DTNA: variants seen among roughly 807,000 people sequenced by gnomAD.
The protein encoded by DTNA is dystrophin-related protein 3.
A neutral mutation model predicts 100.7 loss-of-function variants in DTNA; 43 were observed. That is an observed-to-expected ratio of 0.43 (90% CI 0.33 to 0.55). DTNA has a LOEUF of 0.55. DTNA is among the 20% of genes least tolerant of loss of function. DTNA has a pLI of 0.04. For synonymous variants in DTNA, 349 were observed against 347.9 expected (o/e 1.00, Z -0.04); for missense variants, 798 against 953.9 (o/e 0.84, Z 2.15).
chr18:34,792,093 GTT>G (rs56247493), intron 3 of DTNA, among the ~76,000 whole-genome samples: 251 of 148,032 alleles, frequency 1.7e-3, no homozygotes, highest in African/African-American at 1.9e-3. Flanking sequence ...GTAACCTGTT[GTT>G]TTTTTTTTTT....
intron 9 of DTNA, among the ~76,000 whole-genome samples, chr18:34,827,007 A>G (rs2095874140): frequency 6.6e-6 from 1 of 152,170 alleles, no homozygotes; most frequent in Non-Finnish European, 1.5e-5. Context: ...TACACCACAT[A>G]CTCTATCATA....
At chr18:34,609,331 G>A (rs1427040027) in intron 1 of DTNA, among the ~76,000 whole-genome samples, 7 of 147,128 alleles carry the variant, frequency 4.8e-5, no homozygotes, top group Non-Finnish European at 7.4e-5. Flanking sequence ...TGCTAGCTCC[G>A]CCTCCCGGGT....
intron 1 of DTNA, among the ~76,000 whole-genome samples, chr18:34,698,313 T>C (rs1286794640): frequency 1.3e-5 from 2 of 152,224 alleles, no homozygotes; most frequent in African/African-American, 2.4e-5. Context: ...TTTTCTGTCA[T>C]AGCTTTGTAG....
At chr18:34,614,152 C>T (rs2054772357) in intron 1 of DTNA, among the ~76,000 whole-genome samples, 1 of 152,192 alleles carries the variant, frequency 6.6e-6, no homozygotes. Flanking sequence ...GATGATAATG[C>T]ATCTGTTTAT....
intron 1 of DTNA, among the ~76,000 whole-genome samples, chr18:34,577,342 A>G (rs1179318221): frequency 1.3e-5 from 2 of 152,144 alleles, no homozygotes; most frequent in African/African-American, 4.8e-5. Context: ...TTCAATCAAT[A>G]TGTGTTTTTA....
intron 3 of DTNA, among the ~76,000 whole-genome samples, chr18:34,768,906 C>T (rs2093625359): frequency 6.6e-6 from 1 of 152,010 alleles, no homozygotes; most frequent in South Asian, 2.1e-4. Context: ...GAAATATGTA[C>T]ATGGTATGTG....
At chr18:34,700,217 A>G (rs1265323646) in intron 1 of DTNA, among the ~76,000 whole-genome samples, 2 of 152,186 alleles carry the variant, frequency 1.3e-5, no homozygotes, top group Non-Finnish European at 2.9e-5. Flanking sequence ...GGATGACCCA[A>G]TCAATACCCT....
At chr18:34,866,211 C>T in intron 17 of DTNA, 21 of 1,613,712 alleles carry the variant, frequency 1.3e-5, no homozygotes, top group Non-Finnish European at 1.7e-5. Flanking sequence ...TGCTTTTGCT[C>T]TAATGTATGT....
chr18:34,787,279 T>C (rs2094541066), intron 3 of DTNA, among the ~76,000 whole-genome samples: 2 of 152,242 alleles, frequency 1.3e-5, no homozygotes, highest in African/African-American at 4.8e-5. Context: ...GTTGTCAGAA[T>C]CACCTGGAGA....
intron 3 of DTNA, among the ~76,000 whole-genome samples, chr18:34,784,868 C>T (rs2094454596): frequency 6.6e-6 from 1 of 151,910 alleles, no homozygotes; most frequent in South Asian, 2.1e-4. Context: ...ATATGGCAAT[C>T]TTTCTCCATA....
intron 1 of DTNA, among the ~76,000 whole-genome samples, chr18:34,648,389 A>G (rs537428924): frequency 3.9e-5 from 6 of 152,356 alleles, no homozygotes; most frequent in South Asian, 4.1e-4. Context: ...GAGTAGAAGC[A>G]GTAAGTTTGA....
chr18:34,648,947 TGTG>T (rs1223539345), intron 1 of DTNA, among the ~76,000 whole-genome samples: 1 of 152,238 alleles, frequency 6.6e-6, no homozygotes, highest in Non-Finnish European at 1.5e-5. Flanking sequence ...ATTTTTCTAA[TGTG>T]GTACTGTTGG....
intron 19 of DTNA, 79 bp downstream of exon 19, chr18:34,877,887 G>T (rs2096833760): frequency 2.5e-6 from 3 of 1,190,028 alleles, no homozygotes; most frequent in Admixed American, 1.7e-5. Context: ...TTAGAGATCT[G>T]CTTATTGTCT....
intron 1 of DTNA, among the ~76,000 whole-genome samples, chr18:34,592,441 C>A (rs1480929591): frequency 6.8e-6 from 1 of 147,630 alleles, no homozygotes; most frequent in Non-Finnish European, 1.5e-5. Context: ...CACTCAATTT[C>A]TCTTCTTTTA....
chr18:34,870,550 T>C (rs887126696), intron 17 of DTNA, among the ~76,000 whole-genome samples: 1 of 152,214 alleles, frequency 6.6e-6, no homozygotes, highest in African/African-American at 2.4e-5. Flanking sequence ...AATTAAGTAT[T>C]GATTATTATA....
rs1170829954 is a variant in DTNA, at chr18:34,820,781, T to G, written c.877-10T>G. On this transcript the variant is annotated splice_polypyrimidine_tract_variant and intron_variant, in intron 8 of 22. Coordinates refer to ENST00000444659, the MANE Select transcript of DTNA (RefSeq NM_001386795.1). The stretch of plus-strand genomic sequence containing the variant: ...GCTGTTGTCACTTCTGCCTTCCTTC[T>G]TCTTTCCAGAAATCACCTGCTAAGA... 6.2e-7 allele frequency: 1 copy of G among 1,614,196 alleles called. No homozygotes were observed. Among genetic ancestry groups the G allele is most frequent in the South Asian group, 1.1e-5 (1 of 91,092 alleles).
intron 1 of DTNA, among the ~76,000 whole-genome samples, chr18:34,681,695 A>AACACACACACACAC (rs71813996): frequency 2.1e-5 from 3 of 142,904 alleles, no homozygotes; most frequent in African/African-American, 7.8e-5. Context: ...CCCTATACAC[A>AACACACACACACAC]ACACACACAC....
At chr18:34,640,498 C>G (rs989495200) in intron 1 of DTNA, among the ~76,000 whole-genome samples, 2 of 152,218 alleles carry the variant, frequency 1.3e-5, no homozygotes, top group African/African-American at 4.8e-5. Context: ...ATGCCCATGG[C>G]AAGGACCTCC....
At chr18:34,799,061 C>T (rs563405392) in intron 4 of DTNA, among the ~76,000 whole-genome samples, 1 of 152,216 alleles carries the variant, frequency 6.6e-6, no homozygotes, top group South Asian at 2.1e-4. Flanking sequence ...CTAATCTTTC[C>T]AGTTTCTGGT....
Sources: gnomAD v4.1 joint callset for allele counts (sites outside exome capture counted in the v4.1 genomes callset) on GRCh38, gnomAD v4.1.1 for gene constraint, MANE v1.5 for transcripts, NCBI Gene and HGNC (gene_info 2026-07-23, HGNC 2026-07-21) for gene names.